The following PHF12 variants were observed in gnomAD, a reference collection of about 807,000 sequenced individuals.
The protein encoded by PHF12 is PHD factor 1.
Under a neutral mutation model 99.8 loss-of-function variants are expected in PHF12, and 6 were observed. The observed-to-expected ratio is 0.06, with a 90% confidence interval of 0.03 to 0.12. The LOEUF is 0.12. PHF12 is among the 10% of genes least tolerant of loss of function. The pLI, the probability that PHF12 is intolerant of heterozygous loss-of-function variation, is 1.00. For missense variants in PHF12, 954 were observed against 1,300.1 expected (o/e 0.73, Z 4.09); for synonymous variants, 480 against 514.9 (o/e 0.93, Z 0.92).
In PHF12 at chr17:28,951,211, G is replaced by C; in HGVS notation, c.-251C>G. ...GGCTGCTGGCTGCACAGTGGGTCCC[G>C]GCTCCGGGGGTCAGGCCTCGGCGGG... On this transcript the variant is annotated 5_prime_UTR_variant, in exon 1 of 15. Transcript: ENST00000332830. The C allele has an allele frequency of 7.3e-7, 1 of 1,365,558 alleles. No individual in the cohort carries two copies. Among genetic ancestry groups the C allele is most frequent in the Non-Finnish European group, 9.4e-7 (1 of 1,060,720 alleles). The allele number at this position is 1,365,558 out of a possible 1,614,324, so 84.6% of individuals were successfully genotyped here. A position where few individuals can be genotyped will look rare whatever the true frequency, so the allele number is the denominator to read the frequency against.
In PHF12 at chr17:28,914,067, G is replaced by A. The variant is rs778036898; in HGVS notation, c.1135-30C>T. ...TCAGGATAGATAGAAGGAGGAAGGA[G>A]AGGGAGATAGTTCCAACATGTCTAG... On this transcript the variant is annotated intron_variant, in intron 7 of 14. Transcript: ENST00000332830. 8.3e-6 allele frequency: 13 copies of A among 1,571,612 alleles called. No homozygotes were observed. The South Asian group carries it at 1.5e-4, about 18-fold the overall frequency.
chr17:28,947,341 T>C (rs530717033), intron 2 of PHF12, among the ~76,000 whole-genome samples: 2 of 152,252 alleles, frequency 1.3e-5, no homozygotes, highest in Admixed American at 6.5e-5. Context: ...AAATACTTGA[T>C]CTAACTACTC....
In PHF12 at chr17:28,912,596, G is replaced by T; in HGVS notation, c.1975C>A (p.Pro659Thr). ...QIGPPLTDSR[P>T]LGSPPNATRV... ...GTGGCGTTTGGGGGTGAGCCCAGTGGCCTTGAATCTGTCAACGGAGGTCCT... is the reference window on the plus strand; with the variant it reads ...GTGGCGTTTGGGGGTGAGCCCAGTGTCCTTGAATCTGTCAACGGAGGTCCT... Residue 659 changes from proline (P) to threonine (T), a missense_variant, in exon 9 of 15, where the codon CCA (proline) becomes ACA (threonine). Coordinates refer to ENST00000332830, the MANE Select transcript of PHF12 (RefSeq NM_001033561.2). 6.2e-7 allele frequency: 1 copy of T among 1,614,208 alleles called. No homozygotes were observed. The highest frequency in any genetic ancestry group is 8.5e-7 in the Non-Finnish European group (1 of 1,180,046).
intron 5 of PHF12, 23 bp downstream of exon 5, chr17:28,921,665 C>A (rs193008301): frequency 1.9e-6 from 3 of 1,611,402 alleles, no homozygotes; most frequent in South Asian, 2.2e-5. Flanking sequence ...TGAGAAAGAG[C>A]CCCTTAGTAT....
chr17:28,938,388 C>A (rs2040547828), intron 2 of PHF12, among the ~76,000 whole-genome samples: 1 of 152,124 alleles, frequency 6.6e-6, no homozygotes, highest in African/African-American at 2.4e-5. Context: ...CACCACCACA[C>A]CCGGCTAATT....
intron 11 of PHF12, chr17:28,909,941 C>T: frequency 1.6e-6 from 1 of 619,450 alleles, no homozygotes; most frequent in South Asian, 1.9e-5. Flanking sequence ...AGAAAGTACA[C>T]TACATATACC....
intron 12 of PHF12, chr17:28,908,489 T>G: frequency 2.9e-6 from 1 of 339,322 alleles, no homozygotes; most frequent in Non-Finnish European, 5.5e-6. Context: ...TAATTTTTTA[T>G]ATTTGTTTTT....
At chr17:28,923,651 C>CAAAAAAAAAAAAAAAAAAA (rs1491183033) in intron 4 of PHF12, among the ~76,000 whole-genome samples, 621 of 21,864 alleles carry the variant, frequency 0.028, 50 homozygotes, top group Non-Finnish European at 0.036. Flanking sequence ...AAGTGAGACT[C>CAAAAAAAAAAAAAAAAAAA]ACAAAAAAAA....
intron 3 of PHF12, chr17:28,926,760 A>G (rs2040281468): frequency 2.7e-6 from 4 of 1,494,342 alleles, no homozygotes; most frequent in Admixed American, 2.0e-5. Flanking sequence ...GTGACTAAAC[A>G]TGGCTCAGTA....
intron 9 of PHF12, 185 bp from the exon 10 acceptor site, chr17:28,911,422 A>C (rs1385950761): frequency 2.7e-6 from 2 of 740,036 alleles, no homozygotes; most frequent in Non-Finnish European, 4.3e-6. Context: ...ATGGAACGAC[A>C]AAGCACCCAG....
chr17:28,924,643 A>G (rs2040233616), intron 3 of PHF12: 1 of 353,698 alleles, frequency 2.8e-6, no homozygotes, highest in Non-Finnish European at 5.4e-6. Context: ...GAATAAATTT[A>G]GTGAGACCAA....
intron 2 of PHF12, among the ~76,000 whole-genome samples, chr17:28,939,088 TCAA>T (rs1342681607): frequency 1.3e-5 from 2 of 152,210 alleles, no homozygotes; most frequent in Non-Finnish European, 1.5e-5. Context: ...ACAGCTTACT[TCAA>T]CACCAACAAA....
chr17:28,917,148 A>G (rs1360628458), intron 7 of PHF12, 137 bp downstream of exon 7: 5 of 1,141,252 alleles, frequency 4.4e-6, no homozygotes, highest in Admixed American at 2.1e-5. Context: ...TGAAGGTCAC[A>G]CTCATTACTC....
At chr17:28,947,164 G>C (rs1354331032) in intron 2 of PHF12, among the ~76,000 whole-genome samples, 1 of 150,740 alleles carries the variant, frequency 6.6e-6, no homozygotes, top group Non-Finnish European at 1.5e-5. Context: ...TGTATTTTTA[G>C]TAGAGACGGA....
intron 4 of PHF12, among the ~76,000 whole-genome samples, chr17:28,922,544 T>A (rs924372775): frequency 6.6e-6 from 1 of 152,170 alleles, no homozygotes; most frequent in African/African-American, 2.4e-5. Flanking sequence ...GAGGACAATT[T>A]GGCAATATCT....
At chr17:28,946,921 A>C (rs1420059192) in intron 2 of PHF12, among the ~76,000 whole-genome samples, 1 of 152,180 alleles carries the variant, frequency 6.6e-6, no homozygotes, top group Non-Finnish European at 1.5e-5. Context: ...AGCCAGTTTA[A>C]AAGGGAAGCC....
intron 2 of PHF12, among the ~76,000 whole-genome samples, chr17:28,948,988 CTCT>C (rs965232960): frequency 1.3e-5 from 2 of 152,086 alleles, no homozygotes; most frequent in Admixed American, 6.5e-5. Flanking sequence ...GGAGTTTAAA[CTCT>C]TCTTTGCCGG....
intron 2 of PHF12, among the ~76,000 whole-genome samples, chr17:28,937,979 AG>A (rs1246768816): frequency 2.6e-5 from 4 of 152,344 alleles, no homozygotes; most frequent in Non-Finnish European, 1.5e-5. Context: ...ATTGGAAGGA[AG>A]AACCAACAAC....
At chr17:28,937,909 T>C (rs1684835857) in intron 2 of PHF12, among the ~76,000 whole-genome samples, 2 of 152,182 alleles carry the variant, frequency 1.3e-5, no homozygotes, top group African/African-American at 2.4e-5. Flanking sequence ...CCACCTGTTT[T>C]GGAAAAGGGA....
Sources: allele counts gnomAD v4.1 joint callset (sites outside exome capture counted in the v4.1 genomes callset), GRCh38; gene constraint gnomAD v4.1.1; transcripts MANE v1.5; gene names NCBI Gene and HGNC (gene_info 2026-07-23, HGNC 2026-07-21).